The following WNK1 variants were observed in gnomAD, a reference collection of about 807,000 sequenced individuals.
WNK1 encodes serine/threonine-protein kinase WNK1.
A neutral mutation model predicts 222.8 loss-of-function variants in WNK1; 38 were observed. The observed-to-expected ratio is 0.17, with a 90% CI of 0.13 to 0.22. The LOEUF (loss-of-function observed/expected upper bound fraction) is 0.22, where lower values mean the gene tolerates loss of function less well. Ranked by LOEUF, WNK1 falls within the 10% of genes least tolerant of loss-of-function variation. The pLI, the probability that WNK1 is intolerant of heterozygous loss-of-function variation, is 1.00. For synonymous variants in WNK1, 1,090 were observed against 1,092.9 expected, an observed-to-expected ratio of 1.00 and a Z score of 0.05; for missense variants, 2,348 against 2,918.4, an observed-to-expected ratio of 0.80 and a Z score of 4.50.
At position 885,045 on chromosome 12, in the gene WNK1, C is replaced by T. The variant is rs1953527844; in HGVS notation, c.4241C>T (p.Ser1414Leu). The change falls in exon 19 of 28, where the codon TCA (serine) becomes TTA (leucine). Residue 1414 changes from serine to leucine, a missense_variant. Physicochemically the swap from Ser to Leu is moderately radical, Grantham distance 145 (BLOSUM62 -2). This residue lies in a region of WNK1 where 1,144 missense variants were observed against 1,273.6 expected (regional missense o/e 0.90). Coordinates refer to ENST00000315939, the MANE Select transcript of WNK1 (RefSeq NM_018979.4). ...SESPVLSSVV[S>L]SITIPAVVSI... ...TCACCAGTACTTTCCAGCGTAGTTT[C>T]AAGTATCACAATACCTGCAGTTGTC... is the stretch of plus-strand genomic sequence containing the variant. 1 of 1,614,076 alleles carries T rather than the reference C, an allele frequency of 6.2e-7. No individual in the cohort carries two copies. The highest frequency in any genetic ancestry group is 1.3e-5 in the African/African-American group (1 of 74,918).
rs142850728 is a variant in WNK1, at chr12:813,237, A to T, written c.760-405A>T. ...CACAGAGTGACTTCCTGTCTTTTAAACAAACAAACAAAAATAAAAACAATG... is the reference window on the plus strand; with the variant it reads ...CACAGAGTGACTTCCTGTCTTTTAATCAAACAAACAAAAATAAAAACAATG... On this transcript the variant is annotated intron_variant, in intron 1 of 27. Transcript: ENST00000315939. Among the ~76,000 whole-genome samples the T allele has an allele frequency of 9.5e-4, 144 of 152,346 alleles. 2 individuals carry two copies. The highest frequency in any genetic ancestry group is 8.1e-3 in the Admixed American group (124 of 15,296).
chr12:806,923 G>C (rs908908963), intron 1 of WNK1, among the ~76,000 whole-genome samples: 1 of 152,112 alleles, frequency 6.6e-6, no homozygotes, highest in Non-Finnish European at 1.5e-5. Flanking sequence ...TCAGTTGCAG[G>C]TTGCATTTGT....
In WNK1 at chr12:829,143, G is replaced by C. The variant is rs565809171; in HGVS notation, c.1154-860G>C. Among the ~76,000 whole-genome samples, 31 of 152,268 alleles carry C rather than the reference G, an allele frequency of 2.0e-4. 1 individual carries two copies. The East Asian group carries it at 4.4e-3, about 22-fold the overall frequency. On this transcript the variant is annotated intron_variant, in intron 3 of 27. Coordinates refer to ENST00000315939, the MANE Select transcript of WNK1 (RefSeq NM_018979.4). ...TATTTTCTTTGTTGATTAAATGATA[G>C]TGTGCATGCCTGTTTCTTGGAAATG... is the stretch of plus-strand genomic sequence containing the variant.
rs775612725 is a variant in WNK1 at position 871,327 on chromosome 12, A to G, written c.2202A>G (p.Gln734=). The part of the protein sequence containing the change: ...SSSLTGVSSS[Q]PIQHPQQQQG... ...GCTTAACAGGGGTTTCATCTTCCCA[A>G]CCCATACAACATCCTCAGCAGGTGA... The change falls in exon 9 of 28, where the codon CAA becomes CAG. Residue 734 remains glutamine (Q), a synonymous_variant. Coordinates refer to ENST00000315939, the MANE Select transcript of WNK1 (RefSeq NM_018979.4). 3.5e-5 allele frequency: 56 copies of G among 1,614,072 alleles called. 1 individual carries two copies. The East Asian group carries it at 1.2e-3, about 36-fold the overall frequency.
rs369121056 is a variant in WNK1, at chr12:890,522, C to T, written c.5509+9C>T. ...ACAGCCTCAGAAGGGTGGTGAGAAA[C>T]ATCCTTCCTCCTTTTATATTACTAA... is the stretch of plus-strand genomic sequence containing the variant. On this transcript the variant is annotated intron_variant, in intron 22 of 27. Coordinates refer to ENST00000315939, the MANE Select transcript of WNK1 (RefSeq NM_018979.4). The T allele has an allele frequency of 1.2e-6, 2 of 1,613,922 alleles. No individual in the cohort carries two copies. Among genetic ancestry groups the T allele is most frequent in the Admixed American group, 1.7e-5 (1 of 59,982 alleles).
chr12:774,563 T>C (rs1041459022), intron 1 of WNK1, among the ~76,000 whole-genome samples: 2 of 152,238 alleles, frequency 1.3e-5, no homozygotes. Flanking sequence ...CAGATTTCAC[T>C]GTTTAGAACT....
intron 1 of WNK1, 85 bp downstream of exon 1, chr12:754,409 T>C: frequency 6.4e-7 from 1 of 1,571,982 alleles, no homozygotes; most frequent in Non-Finnish European, 8.7e-7. Flanking sequence ...CACCCTTCAC[T>C]TGGCATTCTC....
rs772922134 is a variant in WNK1 at position 883,808 on chromosome 12, C to T, written c.3698C>T (p.Ala1233Val). The T allele has an allele frequency of 3.3e-5, 53 of 1,614,036 alleles. No homozygotes were observed. The East Asian group carries it at 1.1e-3, about 33-fold the overall frequency. Residue 1233 changes from alanine (A) to valine (V), a missense_variant, in exon 17 of 28, where the codon GCG becomes GTG. Ala to Val is a moderately conservative substitution (Grantham distance 64). This residue lies in a region of WNK1 where 1,144 missense variants were observed against 1,273.6 expected (regional missense o/e 0.90). Coordinates refer to ENST00000315939, the MANE Select transcript of WNK1 (RefSeq NM_018979.4). ...LEGEFKQPIP[A>V]SSMPQQIGIP... ...GGAGAGTTCAAACAACCAATTCCTG[C>T]GTCTTCCATGCCACAGCAAATAGGT...
At chr12:815,575 A>G (rs2154013714) in intron 2 of WNK1, among the ~76,000 whole-genome samples, 1 of 152,340 alleles carries the variant, frequency 6.6e-6, no homozygotes, top group East Asian at 1.9e-4. Context: ...GCTAACTAGC[A>G]CTATATACCT....
At chr12:795,850 TTTCTC>T (rs1361746825) in intron 1 of WNK1, among the ~76,000 whole-genome samples, 2 of 152,166 alleles carry the variant, frequency 1.3e-5, no homozygotes, top group Non-Finnish European at 2.9e-5. Context: ...TCATTTAACA[TTTCTC>T]TTTTTATCCA....
At position 862,224 on chromosome 12, in the gene WNK1, T is replaced by C; in HGVS notation, c.2093T>C (p.Val698Ala). ...GTVPGHIPSTVQAQSQPHGVY... is the reference protein window; with the variant it reads ...GTVPGHIPSTAQAQSQPHGVY... ...GTCCCAGGGCATATACCTTCTACTG[T>C]CCAAGCACAGTCTCAGCCCCATGGG... is the stretch of plus-strand genomic sequence containing the variant. Residue 698 changes from valine (V) to alanine (A), a missense_variant, in exon 8 of 28, where the codon GTC (valine) becomes GCC (alanine). Coordinates refer to ENST00000315939, the MANE Select transcript of WNK1 (RefSeq NM_018979.4). 1 of 1,614,086 alleles carries C rather than the reference T, an allele frequency of 6.2e-7. No individual in the cohort carries two copies. The highest frequency in any genetic ancestry group is 8.5e-7 in the Non-Finnish European group (1 of 1,179,996).
chr12:894,581 C>T lies in WNK1; in HGVS notation c.5529C>T (p.Gly1843=). 2 of 1,613,880 alleles carry T rather than the reference C, an allele frequency of 1.2e-6. No individual in the cohort carries two copies. The highest frequency in any genetic ancestry group is 1.7e-6 in the Non-Finnish European group (2 of 1,179,872). The change falls in exon 23 of 28, where the codon GGC becomes GGT. Residue 1843 remains glycine (G), a synonymous_variant. Transcript: ENST00000315939. ...TTTCAGTTTCTCAAGTCAAAGAAGG[C>T]CCTGTCCTAGCAACTAGTTCAGGAG... The part of the protein sequence containing the change: ...PQKGVSQVKE[G]PVLATSSGAG...
chr12:768,354 T>C (rs1327195745), intron 1 of WNK1, among the ~76,000 whole-genome samples: 1 of 152,202 alleles, frequency 6.6e-6, no homozygotes, highest in East Asian at 1.9e-4. Context: ...CAGGCTGGCC[T>C]AGAACTCCTG....
intron 8 of WNK1, chr12:869,228 G>C (rs1951937931): frequency 7.1e-7 from 1 of 1,402,874 alleles, no homozygotes; most frequent in Non-Finnish European, 1.0e-6. Context: ...TTTATCAGTA[G>C]AGTTTCCCCA....
At chr12:802,253 T>C (rs1366434357) in intron 1 of WNK1, among the ~76,000 whole-genome samples, 1 of 152,224 alleles carries the variant, frequency 6.6e-6, no homozygotes, top group East Asian at 1.9e-4. Context: ...AAATAGGTAG[T>C]AAGTACCTGT....
At chr12:792,260 G>T (rs1391505617) in intron 1 of WNK1, among the ~76,000 whole-genome samples, 2 of 149,328 alleles carry the variant, frequency 1.3e-5, no homozygotes, top group East Asian at 3.9e-4. Context: ...AGTAGTATAT[G>T]TATTAGTTCT....
intron 1 of WNK1, among the ~76,000 whole-genome samples, chr12:784,068 AAAAG>A (rs1262808985): frequency 6.8e-6 from 1 of 147,150 alleles, no homozygotes; most frequent in East Asian, 2.0e-4. Context: ...AAAAAAAAAA[AAAAG>A]TATCCAGGCA....
At chr12:798,155 A>G (rs149506828) in intron 1 of WNK1, among the ~76,000 whole-genome samples, 1 of 149,788 alleles carries the variant, frequency 6.7e-6, no homozygotes, top group African/African-American at 2.4e-5. Flanking sequence ...TTTTCCTGTC[A>G]TTTCAAATTG....
chr12:846,150 A>C (rs888008278), intron 4 of WNK1, among the ~76,000 whole-genome samples: 7 of 152,114 alleles, frequency 4.6e-5, no homozygotes, highest in Non-Finnish European at 1.0e-4. Context: ...TGAGGGTAAA[A>C]AGTTTAGGAG....
Sources: gnomAD v4.1 joint callset for allele counts (sites outside exome capture counted in the v4.1 genomes callset) on GRCh38, gnomAD v4.1.1 for gene constraint, gnomAD v4.1.1 regional missense constraint, MANE v1.5 for transcripts, NCBI Gene and HGNC (gene_info 2026-07-23, HGNC 2026-07-21) for gene names.